The following P4HA1 variants were observed in gnomAD, a reference collection of about 807,000 sequenced individuals.
The protein encoded by P4HA1 is prolyl 4-hydroxylase subunit alpha-1.
In P4HA1, 24 loss-of-function variants were observed where a neutral mutation model predicts 72.8. That is an observed-to-expected ratio of 0.33 (90% CI 0.24 to 0.46). The LOEUF (loss-of-function observed/expected upper bound fraction) is 0.46, where lower values mean the gene tolerates loss of function less well. P4HA1 is among the 20% of genes least tolerant of loss of function. The probability of loss-of-function intolerance (pLI) is 1.00; values close to 1 mark genes in which losing one functional copy is unlikely to be tolerated. For missense variants in P4HA1, 446 were observed against 640.6 expected, an observed-to-expected ratio of 0.70 and a Z score of 3.28; for synonymous variants, 201 against 218.8, an observed-to-expected ratio of 0.92 and a Z score of 0.72.
chr10:73,093,243 A>T (rs545333821), intron 1 of P4HA1, among the ~76,000 whole-genome samples: 1 of 152,308 alleles, frequency 6.6e-6, no homozygotes, highest in African/African-American at 2.4e-5. Context: ...AGGAAGAGAA[A>T]GGCCCAATAT....
chr10:73,014,659 C>G (rs757119787), intron 11 of P4HA1, among the ~76,000 whole-genome samples: 21 of 152,174 alleles, frequency 1.4e-4, no homozygotes, highest in Admixed American at 4.6e-4. Flanking sequence ...TAAACGACAG[C>G]CATTATCTGC....
At chr10:73,039,948 G>C (rs1187862065) in intron 9 of P4HA1, among the ~76,000 whole-genome samples, 1 of 139,610 alleles carries the variant, frequency 7.2e-6, no homozygotes, top group Non-Finnish European at 1.5e-5. Flanking sequence ...TGCAATCTCT[G>C]CTTCCCAGGC....
chr10:73,064,775 A>G (rs1354908378), intron 5 of P4HA1, among the ~76,000 whole-genome samples: 2 of 149,666 alleles, frequency 1.3e-5, no homozygotes, highest in African/African-American at 4.9e-5. Context: ...CAGGAGGCAG[A>G]GGTTGCAGTG....
intron 9 of P4HA1, among the ~76,000 whole-genome samples, chr10:73,031,944 G>A (rs774392273): frequency 1.3e-4 from 20 of 151,950 alleles, no homozygotes; most frequent in Middle Eastern, 6.8e-3. Context: ...CTTTCTAAAC[G>A]CCTAAACTCA....
At chr10:73,092,102 TAA>T (rs1426525548) in intron 1 of P4HA1, among the ~76,000 whole-genome samples, 1 of 152,140 alleles carries the variant, frequency 6.6e-6, no homozygotes, top group African/African-American at 2.4e-5. Flanking sequence ...CAAGTTGAGG[TAA>T]AGAGAGACAA....
intron 1 of P4HA1, among the ~76,000 whole-genome samples, chr10:73,089,710 TAAAAA>T (rs10700344): frequency 2.1e-5 from 2 of 95,898 alleles, no homozygotes; most frequent in Non-Finnish European, 2.2e-5. Context: ...TTCCCCGTGC[TAAAAA>T]AAAAAAAAAA....
chr10:73,079,743 A>AAAAT (rs749758956), intron 1 of P4HA1, among the ~76,000 whole-genome samples: 11 of 152,126 alleles, frequency 7.2e-5, no homozygotes, highest in Admixed American at 1.3e-4. Context: ...ACTTTGTCTC[A>AAAAT]AAATAAATAA....
At chr10:73,030,391 A>C in intron 9 of P4HA1, 21 bp from the exon 10 acceptor site, 1 of 1,288,322 alleles carries the variant, frequency 7.8e-7, no homozygotes, top group Non-Finnish European at 1.1e-6. Flanking sequence ...GAGGAATATT[A>C]GTTTTATTGA....
chr10:73,073,855 C>T (rs764424361), intron 2 of P4HA1, 28 bp from the exon 3 acceptor site: 1 of 1,002,384 alleles, frequency 1.0e-6, no homozygotes, highest in Non-Finnish European at 1.6e-6. Context: ...TTATCAAATA[C>T]TCATATCCTT....
chr10:73,091,060 CAAAAA>C (rs202009101), intron 1 of P4HA1, among the ~76,000 whole-genome samples: 2 of 49,294 alleles, frequency 4.1e-5, no homozygotes, highest in Non-Finnish European at 1.1e-4. Flanking sequence ...GAGTCCATCT[CAAAAA>C]AAAAAAAAAA....
chr10:73,065,293 G>A (rs1841394300), intron 5 of P4HA1: 1 of 152,042 alleles, frequency 6.6e-6, no homozygotes, highest in African/African-American at 2.4e-5. Context: ...TCAGGGTTGG[G>A]AACAAACAAT....
intron 14 of P4HA1, chr10:73,009,556 G>A (rs1839867059): frequency 2.6e-6 from 1 of 391,380 alleles, no homozygotes; most frequent in Non-Finnish European, 4.8e-6. Flanking sequence ...TTGAGGGGAA[G>A]ATATTGTCTT....
chr10:73,072,360 T>C (rs1342454710), intron 3 of P4HA1, among the ~76,000 whole-genome samples, 180 bp from the exon 4 acceptor site: 1 of 152,236 alleles, frequency 6.6e-6, no homozygotes, highest in Admixed American at 6.5e-5. Flanking sequence ...CTTGGCAGAA[T>C]CAATACAACT....
rs199872874 is a variant in P4HA1, at chr10:73,046,949, G to A, written c.1053C>T (p.Ile351=). The change falls in exon 8 of 15, where the codon ATC becomes ATT. Residue 351 remains isoleucine, a synonymous_variant. Transcript: ENST00000394890. The part of the protein sequence containing the change: ...HDIISDAEIE[I]VKDLAKPRLR... ...CCCTTGGTTTTGCTAGGTCTTTGACGATTTCAATTTCTGCATCAGAAATAA... is the reference window on the plus strand; with the variant it reads ...CCCTTGGTTTTGCTAGGTCTTTGACAATTTCAATTTCTGCATCAGAAATAA... The A allele has an allele frequency of 2.5e-5, 41 of 1,611,326 alleles. 1 individual carries two copies. Among genetic ancestry groups the A allele is most frequent in the East Asian group, 1.3e-4 (6 of 44,812 alleles).
chr10:73,093,923 C>T (rs1390986956), intron 1 of P4HA1, among the ~76,000 whole-genome samples: 15 of 120,344 alleles, frequency 1.2e-4, no homozygotes, highest in African/African-American at 3.8e-4. Context: ...CACACACACA[C>T]ACACATACTC....
intron 10 of P4HA1, among the ~76,000 whole-genome samples, chr10:73,018,132 C>G (rs1840050493): frequency 6.6e-6 from 1 of 152,176 alleles, no homozygotes; most frequent in Admixed American, 6.5e-5. Context: ...CTGCTCTACC[C>G]ACCCCTCCCC....
At chr10:73,088,613 A>T (rs1221364933) in intron 1 of P4HA1, among the ~76,000 whole-genome samples, 1 of 152,216 alleles carries the variant, frequency 6.6e-6, no homozygotes, top group East Asian at 1.9e-4. Flanking sequence ...ACTTTATTTC[A>T]TATCCACTGG....
intron 2 of P4HA1, 124 bp downstream of exon 2, chr10:73,074,683 AG>A: frequency 1.6e-6 from 1 of 607,910 alleles, no homozygotes; most frequent in Admixed American, 3.3e-5. Context: ...AGGACCTTTT[AG>A]GGGGCAGGGA....
At chr10:73,080,131 A>G (rs2394919) in intron 1 of P4HA1, among the ~76,000 whole-genome samples, 157 of 152,352 alleles carry the variant, frequency 1.0e-3, no homozygotes, top group African/African-American at 3.7e-3. Flanking sequence ...AGCTACTACA[A>G]TAATCTCCCA....
Sources: gnomAD v4.1 joint callset for allele counts (sites outside exome capture counted in the v4.1 genomes callset) on GRCh38, gnomAD v4.1.1 for gene constraint, MANE v1.5 for transcripts, NCBI Gene and HGNC (gene_info 2026-07-23, HGNC 2026-07-21) for gene names.